DOCK4: variants seen among roughly 807,000 people sequenced by gnomAD.
DOCK4 encodes dedicator of cytokinesis 4.
A neutral mutation model predicts 268.1 loss-of-function variants in DOCK4; 97 were observed. That is an observed-to-expected ratio of 0.36 (90% CI 0.31 to 0.43). DOCK4 has a LOEUF of 0.43. Ranked by LOEUF, DOCK4 falls within the 20% of genes least tolerant of loss-of-function variation. DOCK4 has a pLI of 1.00. For missense variants in DOCK4, 2,145 were observed against 2,455.7 expected, an observed-to-expected ratio of 0.87 and a Z score of 2.67; for synonymous variants, 954 against 887.2, an observed-to-expected ratio of 1.08 and a Z score of -1.34.
intron 42 of DOCK4, among the ~76,000 whole-genome samples, chr7:111,753,487 G>T (rs903770837): frequency 6.6e-6 from 1 of 152,052 alleles, no homozygotes; most frequent in East Asian, 1.9e-4. Flanking sequence ...AAACAAAAAG[G>T]AAATATAATA....
At chr7:112,170,673 A>T (rs937787281) in intron 1 of DOCK4, among the ~76,000 whole-genome samples, 5 of 152,196 alleles carry the variant, frequency 3.3e-5, no homozygotes, top group African/African-American at 4.8e-5. Context: ...AATTTTCTTT[A>T]AAAATATTCT....
chr7:112,127,356 A>C (rs894529961), intron 1 of DOCK4, among the ~76,000 whole-genome samples: 15 of 145,154 alleles, frequency 1.0e-4, no homozygotes, highest in East Asian at 2.1e-4. Flanking sequence ...TGGGAACTGA[A>C]CAATGAGAAC....
At position 111,796,403 on chromosome 7, in the gene DOCK4, T is replaced by C. The variant is rs77434893; in HGVS notation, c.3167-5798A>G. On this transcript the variant is annotated intron_variant, in intron 30 of 52. Transcript: ENST00000428084. ...AGGACACATTGCTAGTTCTCTGCAGTACATTGCAGCTTTGCAACTTTTCCT... is the reference window on the plus strand; with the variant it reads ...AGGACACATTGCTAGTTCTCTGCAGCACATTGCAGCTTTGCAACTTTTCCT... Among the ~76,000 whole-genome samples, 1,158 of 152,382 alleles carry C rather than the reference T, an allele frequency of 7.6e-3. 11 individuals carry two copies. The highest frequency in any genetic ancestry group is 0.011 in the East Asian group (58 of 5,192).
chr7:111,840,839 T>C (rs760324659), intron 25 of DOCK4: 13 of 1,351,210 alleles, frequency 9.6e-6, no homozygotes, highest in Middle Eastern at 2.1e-4. Flanking sequence ...AGTACTGCCA[T>C]GTGAAGACTC....
At chr7:111,775,534 T>C (rs911432199) in intron 36 of DOCK4, among the ~76,000 whole-genome samples, 1 of 152,170 alleles carries the variant, frequency 6.6e-6, no homozygotes, top group Non-Finnish European at 1.5e-5. Context: ...AGAATGACCA[T>C]ACCACAGTTA....
chr7:111,984,192 T>A (rs528920325), intron 7 of DOCK4, 114 bp downstream of exon 7: 1 of 929,174 alleles, frequency 1.1e-6, no homozygotes, highest in Admixed American at 2.7e-5. Flanking sequence ...CTTTTTACTC[T>A]CTCTAAATTA....
At chr7:111,791,963 C>T (rs1028308687) in intron 30 of DOCK4, among the ~76,000 whole-genome samples, 1 of 152,096 alleles carries the variant, frequency 6.6e-6, no homozygotes, top group Admixed American at 6.5e-5. Context: ...TCTGAAAAGA[C>T]TAAAATGTAA....
intron 2 of DOCK4, among the ~76,000 whole-genome samples, chr7:112,001,103 AT>A (rs1253296545): frequency 1.3e-5 from 2 of 152,212 alleles, no homozygotes; most frequent in Non-Finnish European, 2.9e-5. Context: ...TAAAGCCATC[AT>A]TCACTGCCAG....
chr7:112,098,447 G>A (rs879292450), intron 1 of DOCK4, among the ~76,000 whole-genome samples: 6 of 151,530 alleles, frequency 4.0e-5, no homozygotes, highest in Non-Finnish European at 4.4e-5. Flanking sequence ...AAAGTATTGG[G>A]ATTACAGGTG....
chr7:112,134,694 C>T (rs1484971780), intron 1 of DOCK4, among the ~76,000 whole-genome samples: 5 of 151,966 alleles, frequency 3.3e-5, no homozygotes, highest in African/African-American at 7.3e-5. Flanking sequence ...CCAGCCTGGG[C>T]GACAGAGCGA....
chr7:112,146,445 T>G (rs1432029121), intron 1 of DOCK4, among the ~76,000 whole-genome samples: 2 of 152,170 alleles, frequency 1.3e-5, no homozygotes, highest in African/African-American at 2.4e-5. Context: ...CTGAAAGAAC[T>G]TTGAAGCCAG....
Position 112,018,179 on chromosome 7 carries a change from A to AAAAAAAAAACAAC in DOCK4, c.38-14049_38-14048insGTTGTTTTTTTTT. 1.2e-3 allele frequency among the ~76,000 whole-genome samples: 87 copies of AAAAAAAAAACAAC among 72,622 alleles called. 21 individuals carry two copies. The highest frequency in any genetic ancestry group is 4.8e-3 in the East Asian group (12 of 2,480). The allele number at this position is 72,622 out of a possible 152,430, so 47.6% of individuals were successfully genotyped here. On this transcript the variant is annotated intron_variant, in intron 1 of 52. Coordinates refer to ENST00000428084, the MANE Select transcript of DOCK4 (RefSeq NM_001363540.2). ...AAAAAAAAAAAAAAAAAAAAAAAAA[A>AAAAAAAAAACAAC]ACACAGGCAACCAGTATTCATGTGG...
intron 1 of DOCK4, among the ~76,000 whole-genome samples, chr7:112,205,210 C>T (rs1019815102): frequency 6.6e-6 from 1 of 152,282 alleles, no homozygotes; most frequent in East Asian, 1.9e-4. Flanking sequence ...CACCTTTACA[C>T]AGAACAGCGA....
At chr7:112,108,236 C>T (rs562317022) in intron 1 of DOCK4, among the ~76,000 whole-genome samples, 21 of 152,102 alleles carry the variant, frequency 1.4e-4, no homozygotes, top group African/African-American at 4.3e-4. Flanking sequence ...AAATAAATAC[C>T]ACTCTCTAAT....
At chr7:111,910,302 C>CT (rs1375213814) in intron 13 of DOCK4, among the ~76,000 whole-genome samples, 1 of 152,216 alleles carries the variant, frequency 6.6e-6, no homozygotes, top group Non-Finnish European at 1.5e-5. Context: ...AAACTTGGAT[C>CT]TCCCTGATGC....
At chr7:112,003,995 G>T in intron 2 of DOCK4, 53 bp downstream of exon 2, 1 of 1,396,984 alleles carries the variant, frequency 7.2e-7, no homozygotes, top group Non-Finnish European at 9.8e-7. Flanking sequence ...GACAGAATTT[G>T]TAGACTTTAT....
intron 10 of DOCK4, among the ~76,000 whole-genome samples, chr7:111,940,453 T>C (rs548557882): frequency 3.3e-5 from 5 of 152,218 alleles, no homozygotes; most frequent in Admixed American, 6.5e-5. Context: ...GCTTAAATTC[T>C]GGGCGTCAGT....
chr7:111,791,549 G>A (rs1458537839), intron 30 of DOCK4, among the ~76,000 whole-genome samples: 3 of 151,852 alleles, frequency 2.0e-5, no homozygotes, highest in African/African-American at 4.8e-5. Context: ...CCAGGCTGAA[G>A]CACATCTCCT....
At chr7:111,788,591 G>A in intron 32 of DOCK4, 71 bp downstream of exon 32, 1 of 1,259,096 alleles carries the variant, frequency 7.9e-7, no homozygotes, top group Non-Finnish European at 1.1e-6. Context: ...AGCTACCGTG[G>A]TGCAGAGAGG....
Sources: gnomAD v4.1 joint callset for allele counts (sites outside exome capture counted in the v4.1 genomes callset) on GRCh38, gnomAD v4.1.1 for gene constraint, MANE v1.5 for transcripts, NCBI Gene and HGNC (gene_info 2026-07-23, HGNC 2026-07-21) for gene names.